The following ZNF609 variants were observed in gnomAD, a reference collection of about 807,000 sequenced individuals.
ZNF609 encodes the protein zinc finger protein 609.
Under a neutral mutation model 109.5 loss-of-function variants are expected in ZNF609, and 11 were observed. That is an observed-to-expected ratio of 0.10 (90% CI 0.06 to 0.17). The LOEUF (loss-of-function observed/expected upper bound fraction) is 0.17, where lower values mean the gene tolerates loss of function less well. Among genes scored for constraint, ZNF609 ranks in the 10% least tolerant of loss-of-function variants. The probability of loss-of-function intolerance (pLI) is 1.00; values close to 1 mark genes in which losing one functional copy is unlikely to be tolerated. For synonymous variants in ZNF609, 646 were observed against 662.0 expected, an observed-to-expected ratio of 0.98 and a Z score of 0.37; for missense variants, 1,559 against 1,772.4, an observed-to-expected ratio of 0.88 and a Z score of 2.16.
chr15:64,543,255 C>CTTTTTTTTTT (rs77646116), intron 2 of ZNF609, among the ~76,000 whole-genome samples: 12 of 113,276 alleles, frequency 1.1e-4, no homozygotes, highest in Non-Finnish European at 1.8e-4. Flanking sequence ...TTTGTTGTTG[C>CTTTTTTTTTT]TTTTTTTTTT....
In ZNF609 at chr15:64,499,435, G is replaced by C. The variant is rs1432332476; in HGVS notation, c.16G>C (p.Gly6Arg). Reference sequence around the variant, plus strand: ...TGACTCTAAGATGTCCTTGAGCAGTGGAGCCTCCGGAGGGAAAGGAGTGGA... The same window carrying C: ...TGACTCTAAGATGTCCTTGAGCAGTCGAGCCTCCGGAGGGAAAGGAGTGGA... MSLSSGASGGKGVDAN... is the reference protein window; with the variant it reads MSLSSRASGGKGVDAN... The change falls in exon 2 of 10, where the codon GGA becomes CGA. Residue 6 changes from glycine to arginine, a missense_variant. Transcript: ENST00000326648. 1 of 1,613,796 alleles carries C rather than the reference G, an allele frequency of 6.2e-7. No individual in the cohort carries two copies. The highest frequency in any genetic ancestry group is 1.7e-5 in the Admixed American group (1 of 60,006).
intron 2 of ZNF609, among the ~76,000 whole-genome samples, chr15:64,585,321 G>A (rs1439412754): frequency 1.3e-5 from 2 of 151,616 alleles, no homozygotes; most frequent in African/African-American, 2.4e-5. Context: ...CGAGACTCTG[G>A]GGAAAAAAAA....
At chr15:64,508,460 C>T (rs916382953) in intron 2 of ZNF609, among the ~76,000 whole-genome samples, 3 of 152,008 alleles carry the variant, frequency 2.0e-5, no homozygotes, top group Non-Finnish European at 2.9e-5. Flanking sequence ...GCTGTCAGAC[C>T]CTGGAGGTGT....
chr15:64,506,188 G>A (rs1007401723), intron 2 of ZNF609, among the ~76,000 whole-genome samples: 2 of 151,122 alleles, frequency 1.3e-5, no homozygotes, highest in African/African-American at 4.8e-5. Flanking sequence ...TCACTCTGCC[G>A]CCCAGGCTGG....
intron 2 of ZNF609, among the ~76,000 whole-genome samples, chr15:64,535,006 C>G (rs1894117927): frequency 6.6e-6 from 1 of 151,482 alleles, no homozygotes; most frequent in Non-Finnish European, 1.5e-5. Context: ...GTACTCTGCA[C>G]TTCAGCTTGG....
At chr15:64,528,917 C>A in intron 2 of ZNF609, 1 of 1,130,578 alleles carries the variant, frequency 8.8e-7, no homozygotes. Flanking sequence ...ATCATATTGG[C>A]AGGTTTTTCC....
At chr15:64,541,806 C>T (rs549861640) in intron 2 of ZNF609, among the ~76,000 whole-genome samples, 198 of 140,760 alleles carry the variant, frequency 1.4e-3, no homozygotes, top group Non-Finnish European at 2.3e-3. Flanking sequence ...TGCCACTGCA[C>T]GCCAGCCTGG....
intron 2 of ZNF609, among the ~76,000 whole-genome samples, chr15:64,574,028 A>C (rs1291562498): frequency 1.3e-5 from 2 of 151,992 alleles, no homozygotes; most frequent in African/African-American, 4.8e-5. Flanking sequence ...TGCTCTCACC[A>C]CACCCCGCTC....
chr15:64,658,416 C>T lies in ZNF609; in HGVS notation c.974-11930C>T, dbSNP rs558185015. ...TTCCCCATGTTGATCAGATTGGTCT[C>T]GAACTCCTGATCTTAGGTGATCCAC... On this transcript the variant is annotated intron_variant, in intron 3 of 9. Coordinates refer to ENST00000326648, the MANE Select transcript of ZNF609 (RefSeq NM_015042.2). Among the ~76,000 whole-genome samples the T allele has an allele frequency of 3.2e-4, 49 of 152,170 alleles. 1 individual carries two copies. The highest frequency in any genetic ancestry group is 5.6e-4 in the Non-Finnish European group (38 of 67,998).
At chr15:64,537,522 GA>G (rs1246967632) in intron 2 of ZNF609, among the ~76,000 whole-genome samples, 2 of 138,976 alleles carry the variant, frequency 1.4e-5, no homozygotes, top group Non-Finnish European at 3.1e-5. Flanking sequence ...AAAAGAAAAA[GA>G]AAAAAAAGAG....
Position 64,678,425 on chromosome 15 carries a change from G to A in ZNF609, c.3712G>A (p.Asp1238Asn), listed in dbSNP as rs377483329. 2 of 1,610,554 alleles carry A rather than the reference G, an allele frequency of 1.2e-6. No individual in the cohort carries two copies. The highest frequency in any genetic ancestry group is 1.7e-6 in the Non-Finnish European group (2 of 1,178,074). ...CGGCTATTCCTACAGTCAGTCCTAC[G>A]ACCCCAACCACCCCAGCTACCGGAG... ...MHGYSYSQSY[D>N]PNHPSYRSMP... The change falls in exon 6 of 10, where the codon GAC becomes AAC. Residue 1238 changes from aspartate (D) to asparagine (N), a missense_variant. Asp to Asn is a conservative substitution (Grantham distance 23, BLOSUM62 1). Transcript: ENST00000326648.
intron 3 of ZNF609, among the ~76,000 whole-genome samples, chr15:64,639,597 G>C (rs185221923): frequency 1.3e-5 from 2 of 152,128 alleles, no homozygotes; most frequent in African/African-American, 4.8e-5. Context: ...CACTGGATTA[G>C]GGCAGACCCT....
intron 3 of ZNF609, among the ~76,000 whole-genome samples, chr15:64,649,379 TACAC>T (rs983568133): frequency 6.6e-5 from 10 of 152,142 alleles, no homozygotes; most frequent in Admixed American, 4.6e-4. Flanking sequence ...GTCTCACACA[TACAC>T]ACACACTCTC....
At chr15:64,505,076 A>G (rs766754988) in intron 2 of ZNF609, among the ~76,000 whole-genome samples, 1 of 152,208 alleles carries the variant, frequency 6.6e-6, no homozygotes, top group Non-Finnish European at 1.5e-5. Flanking sequence ...AACATTGTAG[A>G]CACTCAATAA....
At chr15:64,669,719 G>A (rs1007525710) in intron 3 of ZNF609, among the ~76,000 whole-genome samples, 2 of 152,006 alleles carry the variant, frequency 1.3e-5, no homozygotes. Flanking sequence ...CCATGCTGGA[G>A]TGCAGTGGCG....
chr15:64,672,942 G>A (rs370238198), intron 4 of ZNF609, among the ~76,000 whole-genome samples: 15 of 141,856 alleles, frequency 1.1e-4, no homozygotes, highest in African/African-American at 3.8e-4. Context: ...CCAGCCTGGC[G>A]ACAGAGCAAG....
At chr15:64,643,733 C>T (rs1168396095) in intron 3 of ZNF609, 1 of 152,110 alleles carries the variant, frequency 6.6e-6, no homozygotes, top group Non-Finnish European at 1.5e-5. Flanking sequence ...CATACTAGCA[C>T]TGGACATTAG....
upstream of ZNF609, among the ~76,000 whole-genome samples, chr15:64,460,124 C>A (rs960958145): frequency 2.0e-5 from 3 of 151,984 alleles, no homozygotes; most frequent in African/African-American, 7.2e-5. Context: ...ATGGATGAAA[C>A]CATCAGGAGC....
intron 3 of ZNF609, among the ~76,000 whole-genome samples, chr15:64,644,224 C>A (rs1896299585): frequency 6.6e-6 from 1 of 152,120 alleles, no homozygotes; most frequent in African/African-American, 2.4e-5. Context: ...AAGGCCAAGG[C>A]CAATGGCTCA....
Sources: allele counts gnomAD v4.1 joint callset (sites outside exome capture counted in the v4.1 genomes callset), GRCh38; gene constraint gnomAD v4.1.1; transcripts MANE v1.5; gene names NCBI Gene and HGNC (gene_info 2026-07-23, HGNC 2026-07-21).